Variants in TMEM260 observed in about 807,000 individuals in gnomAD.
The protein encoded by TMEM260 is transmembrane protein 260, also known as protein O-mannosyl-transferase TMEM260.
In TMEM260, 82 loss-of-function variants were observed where a neutral mutation model predicts 88.9. The observed-to-expected ratio is 0.92, with a 90% CI of 0.77 to 1.11. The LOEUF is 1.11. Among genes scored for constraint, TMEM260 ranks in the 50% least tolerant of loss-of-function variants. The pLI is 0.00. For missense variants in TMEM260, 902 were observed against 853.4 expected (o/e 1.06, Z -0.71); for synonymous variants, 314 against 309.3 (o/e 1.02, Z -0.16).
At chr14:56,649,847 A>T (rs976543376), downstream of TMEM260, among the ~76,000 whole-genome samples, 6 of 152,148 alleles carry the variant, frequency 3.9e-5, no homozygotes, top group African/African-American at 1.4e-4. Context: ...ACTTTGGGCC[A>T]CTCTCTCTTT....
chr14:56,627,093 G>T (rs997845912), intron 12 of TMEM260, among the ~76,000 whole-genome samples: 1 of 151,468 alleles, frequency 6.6e-6, no homozygotes, highest in Non-Finnish European at 1.5e-5. Context: ...TCTATTTTTG[G>T]GATATTCTGT....
Position 56,609,550 on chromosome 14 carries a change from C to T in TMEM260, c.816+265C>T, listed in dbSNP as rs185515989. Among the ~76,000 whole-genome samples, 37 of 152,100 alleles carry T rather than the reference C, an allele frequency of 2.4e-4. No homozygotes were observed. The East Asian group carries it at 7.1e-3, about 29-fold the overall frequency. ...GTCATTAAAGTCTTCCACCTACAGTCGAAACATTTCAGTCTTGTTAGCAGT... is the reference window on the plus strand; with the variant it reads ...GTCATTAAAGTCTTCCACCTACAGTTGAAACATTTCAGTCTTGTTAGCAGT... On this transcript the variant is annotated intron_variant, in intron 6 of 15. Coordinates refer to ENST00000261556, the MANE Select transcript of TMEM260 (RefSeq NM_017799.4).
At chr14:56,639,965 C>G (rs867775407) in intron 15 of TMEM260, among the ~76,000 whole-genome samples, 11 of 152,192 alleles carry the variant, frequency 7.2e-5, no homozygotes, top group African/African-American at 2.4e-4. Flanking sequence ...GAGGCTTCAG[C>G]AGGTAAACAA....
At position 56,609,234 on chromosome 14, in the gene TMEM260, G is replaced by GC. The variant is rs1385305489; in HGVS notation, c.766dup (p.Gln256ProfsTer21). On this transcript the variant is annotated frameshift_variant, in exon 6 of 16. Coordinates refer to ENST00000261556, the MANE Select transcript of TMEM260 (RefSeq NM_017799.4). LOFTEE classifies it high-confidence loss of function. ...GGACCTGGGGAGACCAGACAACACT[G>GC]CAAGGATTTTTGACACATTTTCTCA... The GC allele has an allele frequency of 6.2e-7, 1 of 1,613,952 alleles. No homozygotes were observed. The highest frequency in any genetic ancestry group is 1.3e-5 in the African/African-American group (1 of 74,906).
At chr14:56,621,021 C>T (rs549727276) in intron 10 of TMEM260, among the ~76,000 whole-genome samples, 1 of 152,170 alleles carries the variant, frequency 6.6e-6, no homozygotes, top group South Asian at 2.1e-4. Flanking sequence ...TCTCCAAAGG[C>T]AGAGAGGGAC....
At chr14:56,615,444 C>G (rs1887536594) in intron 7 of TMEM260, 1 of 152,004 alleles carries the variant, frequency 6.6e-6, no homozygotes, top group Non-Finnish European at 1.5e-5. Flanking sequence ...ATATAGAAAA[C>G]AAGGAAACCA....
chr14:56,615,989 A>G lies in TMEM260; in HGVS notation c.903A>G (p.Gln301=), dbSNP rs1222966711. Residue 301 remains glutamine (Q), a synonymous_variant, in exon 8 of 16, where the codon CAA becomes CAG. Coordinates refer to ENST00000261556, the MANE Select transcript of TMEM260 (RefSeq NM_017799.4). ...GGACCGAACTCTCATTCAACATCCA[A>G]GCCCTTGCAGTTTGTGCAAATATAT... ...NMRTELSFNI[Q]ALAVCANICL... The G allele has an allele frequency of 1.2e-6, 2 of 1,613,348 alleles. No homozygotes were observed. The highest frequency in any genetic ancestry group is 2.2e-5 in the East Asian group (1 of 44,796).
chr14:56,643,816 A>G (rs556126149), intron 15 of TMEM260, among the ~76,000 whole-genome samples: 1 of 152,376 alleles, frequency 6.6e-6, no homozygotes, highest in East Asian at 1.9e-4. Context: ...GCAAAGTCTC[A>G]GGATACAAAA....
chr14:56,661,530 G>A, the TMEM260 span, among the ~76,000 whole-genome samples: 39 of 131,236 alleles, frequency 3.0e-4, no homozygotes, highest in Middle Eastern at 3.6e-3. Context: ...GAGGGAAGGA[G>A]GAAAGGAGGG....
In TMEM260 at chr14:56,616,012, T is replaced by C. The variant is rs761840397; in HGVS notation, c.926T>C (p.Ile309Thr). Reference sequence around the variant, plus strand: ...CAAGCCCTTGCAGTTTGTGCAAATATATGTTTAGCAACAAAGTAAGTAATA... The same window carrying C: ...CAAGCCCTTGCAGTTTGTGCAAATACATGTTTAGCAACAAAGTAAGTAATA... ...NIQALAVCAN[I>T]CLATKDRQNP... Residue 309 changes from isoleucine to threonine, a missense_variant, in exon 8 of 16, where the codon ATA becomes ACA. By Grantham distance (89) the Ile-to-Thr change is moderately conservative (BLOSUM62 -1). Transcript: ENST00000261556. 10 of 1,610,884 alleles carry C rather than the reference T, an allele frequency of 6.2e-6. No homozygotes were observed. The highest frequency in any genetic ancestry group is 1.1e-5 in the South Asian group (1 of 90,908).
chr14:56,582,661 A>G (rs942592966), intron 1 of TMEM260, among the ~76,000 whole-genome samples: 3 of 152,202 alleles, frequency 2.0e-5, no homozygotes, highest in Non-Finnish European at 1.5e-5. Flanking sequence ...GGTGTGGGCA[A>G]GGAATCTTCA....
Position 56,632,978 on chromosome 14 carries a change from T to G in TMEM260, c.1548-17T>G. The G allele has an allele frequency of 6.2e-7, 1 of 1,607,830 alleles. No homozygotes were observed. Among genetic ancestry groups the G allele is most frequent in the African/African-American group, 1.3e-5 (1 of 74,774 alleles). On this transcript the variant is annotated splice_polypyrimidine_tract_variant and intron_variant, in intron 12 of 15. Coordinates refer to ENST00000261556, the MANE Select transcript of TMEM260 (RefSeq NM_017799.4). The stretch of plus-strand genomic sequence containing the variant: ...TTTAAATTTTAAGTACATCATGTAT[T>G]TTTCTGTTTCCAACAGAAAAGAAAC...
At position 56,579,838 on chromosome 14, in the gene TMEM260, T is replaced by C. The variant is rs1279699986; in HGVS notation, c.-77T>C. The C allele has an allele frequency of 1.7e-6, 2 of 1,211,488 alleles. No individual in the cohort carries two copies. The highest frequency in any genetic ancestry group is 3.2e-5 in the East Asian group (1 of 31,534). The allele number at this position is 1,211,488 out of a possible 1,614,324, so 75.0% of individuals were successfully genotyped here. A position where few individuals can be genotyped will look rare whatever the true frequency, so the allele number is the denominator to read the frequency against. On this transcript the variant is annotated 5_prime_UTR_variant, in exon 1 of 16. Transcript: ENST00000261556. ...GTGGCCGCCGCACAAGCTGCGCTCG[T>C]CTCTCGGCTGGGGAGCTCCGTGTCG... is the stretch of plus-strand genomic sequence containing the variant.
In TMEM260 at chr14:56,618,575, T is replaced by G; in HGVS notation, c.1057-19T>G. On this transcript the variant is annotated intron_variant, in intron 9 of 15. Transcript: ENST00000261556. ...TTAAATAGTCAACTGGACCCACTGG[T>G]TGCATGTCTCTTTCACAGGTGGAAC... is the stretch of plus-strand genomic sequence containing the variant. 1 of 1,612,362 alleles carries G rather than the reference T, an allele frequency of 6.2e-7. No homozygotes were observed.
chr14:56,661,041 G>GACACAACATAATAAT, the TMEM260 span, among the ~76,000 whole-genome samples: 1 of 152,222 alleles, frequency 6.6e-6, no homozygotes, highest in African/African-American at 2.4e-5. Flanking sequence ...CGGGAGTGGG[G>GACACAACATAATAAT]ACACAACATA....
the TMEM260 span, among the ~76,000 whole-genome samples, chr14:56,659,476 G>A: frequency 1.3e-5 from 2 of 152,140 alleles, no homozygotes; most frequent in Non-Finnish European, 2.9e-5. Flanking sequence ...GGTAGCTCTC[G>A]ACCCTGGGCC....
At chr14:56,659,159 T>G in the TMEM260 span, among the ~76,000 whole-genome samples, 2 of 152,172 alleles carry the variant, frequency 1.3e-5, no homozygotes, top group African/African-American at 4.8e-5. Context: ...GTGAGTGAAG[T>G]TGGATGAAGG....
intron 10 of TMEM260, among the ~76,000 whole-genome samples, chr14:56,619,701 A>T (rs1192415041): frequency 1.3e-5 from 2 of 152,226 alleles, no homozygotes; most frequent in Non-Finnish European, 2.9e-5. Context: ...TTGGACTGGT[A>T]TTATTTTAAA....
intron 11 of TMEM260, among the ~76,000 whole-genome samples, chr14:56,623,723 C>A (rs1378369977): frequency 6.6e-6 from 1 of 152,086 alleles, no homozygotes; most frequent in African/African-American, 2.4e-5. Flanking sequence ...ATATTAATAT[C>A]CTCCAGAACC....
Sources: gnomAD v4.1 joint callset for allele counts (sites outside exome capture counted in the v4.1 genomes callset) on GRCh38, gnomAD v4.1.1 for gene constraint, MANE v1.5 for transcripts, NCBI Gene and HGNC (gene_info 2026-07-23, HGNC 2026-07-21) for gene names.